ATP1A4: variants seen among roughly 807,000 people sequenced by gnomAD.
ATP1A4 encodes ATPase Na+/K+ transporting subunit alpha 4, also known as sodium/potassium-transporting ATPase subunit alpha-4.
In ATP1A4, 90 loss-of-function variants were observed where a neutral mutation model predicts 114.3. The observed-to-expected ratio is 0.79, with a 90% confidence interval of 0.66 to 0.94. ATP1A4 has a LOEUF of 0.94. ATP1A4 is among the 40% of genes least tolerant of loss of function. The pLI is 0.00. For missense variants in ATP1A4, 1,222 were observed against 1,313.6 expected (o/e 0.93, Z 1.08); for synonymous variants, 511 against 494.1 (o/e 1.03, Z -0.45).
At chr1:160,171,799 G>A in intron 12 of ATP1A4, 42 bp downstream of exon 12, 1 of 1,596,226 alleles carries the variant, frequency 6.3e-7, no homozygotes, top group South Asian at 1.1e-5. Flanking sequence ...CCTGTCACAA[G>A]TTGAAGCATC....
chr1:160,151,862 C>T lies in ATP1A4; in HGVS notation c.-179C>T, dbSNP rs1652465218. Reference sequence around the variant, plus strand: ...TCTCCTCTCTCACTTCCCTTCCTCTCTCTCACCTTCACCACCCAACACCTC... The same window carrying T: ...TCTCCTCTCTCACTTCCCTTCCTCTTTCTCACCTTCACCACCCAACACCTC... On this transcript the variant is annotated 5_prime_UTR_variant, in exon 1 of 22. Coordinates refer to ENST00000368081, the MANE Select transcript of ATP1A4 (RefSeq NM_144699.4). 1 of 635,570 alleles carries T rather than the reference C, an allele frequency of 1.6e-6. No homozygotes were observed. Among genetic ancestry groups the T allele is most frequent in the Non-Finnish European group, 2.6e-6 (1 of 382,224 alleles). 39.4% of individuals were successfully genotyped at this position (635,570 alleles called of 1,614,324 possible).
chr1:160,155,116 C>T lies in ATP1A4; in HGVS notation c.279C>T (p.Thr93=), dbSNP rs749065178. Reference sequence around the variant, plus strand: ...CCAATACTGTTACCCCACCCCCCACCACTCCAGAATGGGTCAAATTCTGTA... The same window carrying T: ...CCAATACTGTTACCCCACCCCCCACTACTCCAGAATGGGTCAAATTCTGTA... The part of the protein sequence containing the change: ...GGPNTVTPPP[T]TPEWVKFCKQ... Residue 93 remains threonine, a synonymous_variant, in exon 3 of 22, where the codon ACC becomes ACT. Coordinates refer to ENST00000368081, the MANE Select transcript of ATP1A4 (RefSeq NM_144699.4). The T allele has an allele frequency of 1.2e-6, 2 of 1,613,786 alleles. No homozygotes were observed. Among genetic ancestry groups the T allele is most frequent in the Non-Finnish European group, 1.7e-6 (2 of 1,179,776 alleles).
chr1:160,153,071 G>GT, intron 1 of ATP1A4, 94 bp from the exon 2 acceptor site: 1 of 1,027,880 alleles, frequency 9.7e-7, no homozygotes, highest in Non-Finnish European at 1.5e-6. Flanking sequence ...AGCAGTCTCA[G>GT]TTTGGACTAA....
Position 160,159,426 on chromosome 1 carries a change from G to A in ATP1A4, c.678G>A (p.Leu226=), listed in dbSNP as rs201039507. ...CATCCCAGGTGGACAACTCATCCTT[G>A]ACTGGGGAGTCAGAACCCCAGAGCC... ...AQGCKVDNSS[L]TGESEPQSRS... Residue 226 remains leucine, a synonymous_variant, in exon 6 of 22, where the codon TTG becomes TTA. Coordinates refer to ENST00000368081, the MANE Select transcript of ATP1A4 (RefSeq NM_144699.4). 8 of 1,613,408 alleles carry A rather than the reference G, an allele frequency of 5.0e-6. No homozygotes were observed. The highest frequency in any genetic ancestry group is 6.8e-6 in the Non-Finnish European group (8 of 1,179,790).
At chr1:160,167,711 G>T (rs1306173961) in intron 10 of ATP1A4, among the ~76,000 whole-genome samples, 1 of 152,250 alleles carries the variant, frequency 6.6e-6, no homozygotes, top group Non-Finnish European at 1.5e-5. Context: ...AGCAGAAGCT[G>T]GTTGGTGAAA....
chr1:160,186,164 C>T (rs1039825702), intron 20 of ATP1A4, 112 bp from the exon 21 acceptor site: 25 of 774,910 alleles, frequency 3.2e-5, no homozygotes, highest in Middle Eastern at 5.1e-4. Context: ...CACAGTCCCA[C>T]GCACACAGTA....
rs762438835 is a variant in ATP1A4 at position 160,174,593 on chromosome 1, C to T, written c.2157C>T (p.Ala719=). 15 of 1,613,860 alleles carry T rather than the reference C, an allele frequency of 9.3e-6. No homozygotes were observed. The highest frequency in any genetic ancestry group is 6.7e-5 in the East Asian group (3 of 44,886). ...GACTTCCTCAGGGAGCCGTTGTGGC[C>T]GTGACAGGTGACGGGGTGAACGACT... ...EGCQRLGAVV[A]VTGDGVNDSP... The change falls in exon 15 of 22, where the codon GCC becomes GCT. Residue 719 remains alanine (A), a synonymous_variant. Transcript: ENST00000368081.
chr1:160,166,777 T>G lies in ATP1A4; in HGVS notation c.1246+51T>G, dbSNP rs530124809. On this transcript the variant is annotated intron_variant, in intron 8 of 21. Transcript: ENST00000368081. Reference sequence around the variant, plus strand: ...GAGTGGAGGGATTTGGGGGATGTGATGAGTGAGCTGAGAGAGAATGGTGAG... The same window carrying G: ...GAGTGGAGGGATTTGGGGGATGTGAGGAGTGAGCTGAGAGAGAATGGTGAG... 2.5e-6 allele frequency: 4 copies of G among 1,608,390 alleles called. No homozygotes were observed. In the African/African-American group the frequency reaches 4.0e-5, roughly 16 times the overall value.
intron 4 of ATP1A4, among the ~76,000 whole-genome samples, chr1:160,157,061 G>A (rs1313584552): frequency 2.0e-5 from 3 of 151,454 alleles, no homozygotes; most frequent in African/African-American, 2.4e-5. Flanking sequence ...TTGCACTCCA[G>A]CCTGGTGACA....
Position 160,171,347 on chromosome 1 carries a change from C to T in ATP1A4, c.1588C>T (p.Leu530=). 2 of 1,614,118 alleles carry T rather than the reference C, an allele frequency of 1.2e-6. No individual in the cohort carries two copies. The highest frequency in any genetic ancestry group is 8.5e-7 in the Non-Finnish European group (1 of 1,180,026). The change falls in exon 11 of 22, where the codon CTG becomes TTG. Residue 530 remains leucine (L), a synonymous_variant. Coordinates refer to ENST00000368081, the MANE Select transcript of ATP1A4 (RefSeq NM_144699.4). ...RILEFCSTFL[L]NGQEYSMNDE... ...CTTGGAGTTTTGTTCTACCTTTCTT[C>T]TGAATGGGCAGGAGTACTCAATGAA... is the stretch of plus-strand genomic sequence containing the variant.
chr1:160,176,877 A>G (rs1278338121), intron 17 of ATP1A4, among the ~76,000 whole-genome samples: 1 of 152,224 alleles, frequency 6.6e-6, no homozygotes, highest in Non-Finnish European at 1.5e-5. Flanking sequence ...CAGGCTCACC[A>G]TTATGAGGAT....
intron 4 of ATP1A4, among the ~76,000 whole-genome samples, chr1:160,156,978 C>T (rs1209123583): frequency 1.3e-5 from 2 of 152,022 alleles, no homozygotes; most frequent in African/African-American, 4.8e-5. Flanking sequence ...GCTGAGCGTG[C>T]CTGTAGTGCC....
chr1:160,182,055 C>G, intron 20 of ATP1A4, 24 bp downstream of exon 20: 1 of 1,586,594 alleles, frequency 6.3e-7, no homozygotes, highest in Non-Finnish European at 8.7e-7. Flanking sequence ...GGGATGCAAG[C>G]AGGGGATGTG....
chr1:160,180,915 T>C (rs1345298263), intron 18 of ATP1A4, among the ~76,000 whole-genome samples: 4 of 151,736 alleles, frequency 2.6e-5, no homozygotes, highest in East Asian at 3.9e-4. Context: ...GGGGTTTCAT[T>C]GTGTTAGCCA....
chr1:160,162,507 C>T (rs1186853378), intron 6 of ATP1A4, among the ~76,000 whole-genome samples: 6 of 152,194 alleles, frequency 3.9e-5, no homozygotes, highest in African/African-American at 1.2e-4. Flanking sequence ...AGGGAGGGGG[C>T]GCAAGTTACA....
intron 8 of ATP1A4, 34 bp downstream of exon 8, chr1:160,166,760 G>T (rs761432352): frequency 6.2e-7 from 1 of 1,612,792 alleles, no homozygotes; most frequent in Non-Finnish European, 8.5e-7. Context: ...AAGAGTGGAG[G>T]GATTTGGGGG....
rs77884968 is a variant in ATP1A4 at position 160,164,527 on chromosome 1, C to G, written c.1047+103C>G. On this transcript the variant is annotated intron_variant, in intron 7 of 21. Transcript: ENST00000368081. ...TTGTTGAACCTTTCAAGTGCAGGGT[C>G]TTCCTGATATGTAAATAGGTATCAG... 1.9e-3 allele frequency: 2,241 copies of G among 1,207,918 alleles called. 39 individuals are homozygous for G. In the African/African-American group the frequency reaches 0.03, roughly 16 times the overall value. 74.8% of individuals were successfully genotyped at this position (1,207,918 alleles called of 1,614,324 possible). A position where few individuals can be genotyped will look rare whatever the true frequency, so the allele number is the denominator to read the frequency against.
intron 10 of ATP1A4, 72 bp from the exon 11 acceptor site, chr1:160,171,179 C>T: frequency 7.2e-7 from 1 of 1,389,240 alleles, no homozygotes; most frequent in Non-Finnish European, 9.8e-7. Flanking sequence ...CCTTTGAAAC[C>T]TTCCCCTTCT....
At chr1:160,155,963 T>G in intron 3 of ATP1A4, 82 bp from the exon 4 acceptor site, 1 of 828,142 alleles carries the variant, frequency 1.2e-6, no homozygotes, top group Non-Finnish European at 2.1e-6. Flanking sequence ...GTGAAACTGC[T>G]GTGCCCCTTG....
Sources: allele counts gnomAD v4.1 joint callset (sites outside exome capture counted in the v4.1 genomes callset), GRCh38; gene constraint gnomAD v4.1.1; transcripts MANE v1.5; gene names NCBI Gene and HGNC (gene_info 2026-07-23, HGNC 2026-07-21).